The following PIGN variants were observed in gnomAD, a reference collection of about 807,000 sequenced individuals.
The protein encoded by PIGN is phosphatidylinositol glycan anchor biosynthesis class N.
Under a neutral mutation model 125.4 loss-of-function variants are expected in PIGN, and 117 were observed. The ratio of observed to expected loss-of-function variants is 0.93; its 90% confidence interval spans 0.80 to 1.09. PIGN has a LOEUF of 1.09. Ranked by LOEUF, PIGN falls within the 50% of genes least tolerant of loss-of-function variation. PIGN has a pLI of 0.00. For synonymous variants in PIGN, 392 were observed against 377.8 expected, an observed-to-expected ratio of 1.04 and a Z score of -0.44; for missense variants, 1,075 against 1,094.9, an observed-to-expected ratio of 0.98 and a Z score of 0.26.
In PIGN at chr18:62,113,231, T is replaced by A; in HGVS notation, c.1337A>T (p.Asn446Ile). The A allele has an allele frequency of 6.2e-7, 1 of 1,613,020 alleles. No homozygotes were observed. Among genetic ancestry groups the A allele is most frequent in the Non-Finnish European group, 8.5e-7 (1 of 1,179,404 alleles). ...CCATCCCACAAAACCAATAACAACA[T>A]TGACGCCCAAAAAGAATCTGTCATA... The part of the protein sequence containing the change: ...HTYDRFFLGV[N>I]VVIGFVGWIS... The change falls in exon 16 of 31, where the codon AAT (asparagine) becomes ATT (isoleucine). Residue 446 changes from asparagine (N) to isoleucine (I), a missense_variant. Asn to Ile is a moderately radical substitution (Grantham distance 149). Transcript: ENST00000640252.
At chr18:62,064,428 C>A (rs1394632721) in intron 30 of PIGN, among the ~76,000 whole-genome samples, 1 of 152,222 alleles carries the variant, frequency 6.6e-6, no homozygotes, top group Non-Finnish European at 1.5e-5. Flanking sequence ...GTCCATTCAT[C>A]TCTGGGTACT....
intron 23 of PIGN, among the ~76,000 whole-genome samples, chr18:62,095,602 T>C (rs1568169041): frequency 6.6e-6 from 1 of 152,158 alleles, no homozygotes; most frequent in Non-Finnish European, 1.5e-5. Flanking sequence ...AATGGTATTT[T>C]AGCAACTTCA....
At chr18:62,061,511 C>CAAAAAA (rs373391589) in intron 30 of PIGN, among the ~76,000 whole-genome samples, 5 of 33,220 alleles carry the variant, frequency 1.5e-4, no homozygotes, top group East Asian at 9.1e-4. Context: ...GACTCCGTCT[C>CAAAAAA]AAAAAAAAAA....
At chr18:62,033,324 G>A (rs2030218061) in intron 23 of PIGN, among the ~76,000 whole-genome samples, 1 of 152,188 alleles carries the variant, frequency 6.6e-6, no homozygotes, top group Non-Finnish European at 1.5e-5. Flanking sequence ...AAGTTGGATT[G>A]AGAGGAAAGC....
chr18:62,027,418 T>C (rs2030136872), intron 23 of PIGN, among the ~76,000 whole-genome samples: 1 of 151,972 alleles, frequency 6.6e-6, no homozygotes, highest in South Asian at 2.1e-4. Flanking sequence ...CACAGTTTGG[T>C]TTTATACATT....
intron 30 of PIGN, among the ~76,000 whole-genome samples, chr18:62,050,753 G>A (rs1413880640): frequency 6.6e-6 from 1 of 152,136 alleles, no homozygotes; most frequent in Non-Finnish European, 1.5e-5. Context: ...TAGGAGTGGT[G>A]AGAGAGGGCA....
At chr18:62,142,628 T>A (rs1568223343) in intron 11 of PIGN, among the ~76,000 whole-genome samples, 1 of 152,168 alleles carries the variant, frequency 6.6e-6, no homozygotes, top group East Asian at 1.9e-4. Context: ...CAGTAAGTAA[T>A]CTCAGCTTGT....
intron 7 of PIGN, among the ~76,000 whole-genome samples, chr18:62,149,392 GA>G (rs2036450774): frequency 6.6e-6 from 1 of 151,934 alleles, no homozygotes; most frequent in African/African-American, 2.4e-5. Flanking sequence ...CTCTTTAAGA[GA>G]AAAGAATTAA....
At chr18:62,153,555 C>T (rs2036613398) in intron 7 of PIGN, 2 of 152,190 alleles carry the variant, frequency 1.3e-5, no homozygotes, top group South Asian at 2.1e-4. Context: ...AATATTAGCA[C>T]ATTAAGTTAA....
At chr18:62,031,723 C>T (rs2030194961) in intron 23 of PIGN, among the ~76,000 whole-genome samples, 1 of 152,074 alleles carries the variant, frequency 6.6e-6, no homozygotes, top group Admixed American at 6.5e-5. Context: ...TTTCTGTTTT[C>T]ATGTTTCTGT....
intron 23 of PIGN, among the ~76,000 whole-genome samples, chr18:62,027,048 C>CA (rs2030132458): frequency 1.3e-5 from 2 of 152,184 alleles, no homozygotes; most frequent in African/African-American, 4.8e-5. Context: ...ACTAAAAATA[C>CA]AAAAATTAGC....
At chr18:62,058,758 G>A (rs964366429) in intron 30 of PIGN, 2 of 152,094 alleles carry the variant, frequency 1.3e-5, no homozygotes, top group East Asian at 3.9e-4. Context: ...CTATTTATGT[G>A]ATGTTTACAA....
At chr18:62,087,593 A>G (rs2033766731) in intron 25 of PIGN, among the ~76,000 whole-genome samples, 1 of 152,228 alleles carries the variant, frequency 6.6e-6, no homozygotes, top group South Asian at 2.1e-4. Flanking sequence ...CTTTAATAGT[A>G]TTAGCTGATT....
intron 30 of PIGN, among the ~76,000 whole-genome samples, chr18:62,067,159 T>C (rs2032568496): frequency 6.6e-6 from 1 of 152,246 alleles, no homozygotes; most frequent in African/African-American, 2.4e-5. Context: ...CTTTTCTTTT[T>C]AGATCTTCTG....
At chr18:62,117,219 A>G (rs552235775) in intron 14 of PIGN, among the ~76,000 whole-genome samples, 11 of 152,198 alleles carry the variant, frequency 7.2e-5, no homozygotes, top group Non-Finnish European at 1.3e-4. Flanking sequence ...TTAGTTTTCC[A>G]TCAAATTGAG....
At chr18:62,112,679 T>A (rs2034926844) in intron 16 of PIGN, 1 of 156,742 alleles carries the variant, frequency 6.4e-6, no homozygotes, top group African/African-American at 2.4e-5. Context: ...AGGTAAGTAA[T>A]TAAAAAATGT....
rs574327113 is a variant in PIGN, at chr18:62,153,320, G to C, written c.549+1225C>G. Reference sequence around the variant, plus strand: ...GACTTCATATTTTCATTATAACTTGGTTAATATATATCTACCATATTTTAT... The same window carrying C: ...GACTTCATATTTTCATTATAACTTGCTTAATATATATCTACCATATTTTAT... On this transcript the variant is annotated intron_variant, in intron 7 of 30. Transcript: ENST00000640252. 120 of 152,068 alleles carry C rather than the reference G, an allele frequency of 7.9e-4. 1 individual carries two copies. The highest frequency in any genetic ancestry group is 2.6e-3 in the African/African-American group (107 of 41,456). 9.4% of individuals were successfully genotyped at this position (152,068 alleles called of 1,614,324 possible). A position where few individuals can be genotyped will look rare whatever the true frequency, so the allele number is the denominator to read the frequency against.
At chr18:62,111,226 C>A (rs2034866291) in intron 16 of PIGN, among the ~76,000 whole-genome samples, 1 of 151,958 alleles carries the variant, frequency 6.6e-6, no homozygotes, top group South Asian at 2.1e-4. Context: ...TCATAACCAC[C>A]AAATTTAGGG....
At chr18:62,074,730 AC>A in intron 29 of PIGN, 48 bp downstream of exon 29, 1 of 1,221,360 alleles carries the variant, frequency 8.2e-7, no homozygotes, top group Non-Finnish European at 1.2e-6. Context: ...TATTAAATTA[AC>A]CCAGGACTCT....
Sources: allele counts gnomAD v4.1 joint callset (sites outside exome capture counted in the v4.1 genomes callset), GRCh38; gene constraint gnomAD v4.1.1; transcripts MANE v1.5; gene names NCBI Gene and HGNC (gene_info 2026-07-23, HGNC 2026-07-21).